The following GRIP1 variants were observed in gnomAD, a reference collection of about 807,000 sequenced individuals.
GRIP1 encodes glutamate receptor interacting protein 1.
A neutral mutation model predicts 129.9 loss-of-function variants in GRIP1; 45 were observed. That is an observed-to-expected ratio of 0.35 (90% CI 0.27 to 0.44). GRIP1 has a LOEUF of 0.44. GRIP1 is among the 20% of genes least tolerant of loss of function. The pLI is 1.00. For missense variants in GRIP1, 1,196 were observed against 1,396.8 expected, an observed-to-expected ratio of 0.86 and a Z score of 2.29; for synonymous variants, 530 against 520.8, an observed-to-expected ratio of 1.02 and a Z score of -0.24.
intron 7 of GRIP1, among the ~76,000 whole-genome samples, chr12:66,510,048 T>C (rs952987118): frequency 3.3e-5 from 5 of 152,222 alleles, no homozygotes; most frequent in South Asian, 2.1e-4. Context: ...TTTGGTAATA[T>C]AGTTCAACCA....
At chr12:66,755,842 C>T (rs774731304) in intron 1 of GRIP1, among the ~76,000 whole-genome samples, 1 of 152,172 alleles carries the variant, frequency 6.6e-6, no homozygotes, top group Admixed American at 6.5e-5. Flanking sequence ...CCTCACCTCT[C>T]TTTTTCACTG....
chr12:66,548,225 G>A (rs1185620886), intron 2 of GRIP1, among the ~76,000 whole-genome samples: 1 of 152,142 alleles, frequency 6.6e-6, no homozygotes, highest in Non-Finnish European at 1.5e-5. Context: ...GTGTTGTTTG[G>A]ACCTAACTAC....
At chr12:66,851,909 A>T (rs1004115341) in intron 1 of GRIP1, among the ~76,000 whole-genome samples, 1 of 152,142 alleles carries the variant, frequency 6.6e-6, no homozygotes, top group African/African-American at 2.4e-5. Flanking sequence ...TTTACAGATC[A>T]TAAAACTTTA....
intron 2 of GRIP1, chr12:66,563,779 A>G (rs1004066963): frequency 1.3e-5 from 2 of 152,204 alleles, no homozygotes; most frequent in African/African-American, 4.8e-5. Context: ...TGCATTGTAT[A>G]TAATTAAATA....
intron 13 of GRIP1, among the ~76,000 whole-genome samples, chr12:66,442,353 G>A (rs1027146342): frequency 4.0e-5 from 6 of 151,888 alleles, no homozygotes; most frequent in Admixed American, 3.3e-4. Flanking sequence ...CCTTTCCCTA[G>A]CACGCCTCTT....
At chr12:67,025,890 T>C (rs2042936123) in intron 1 of GRIP1, among the ~76,000 whole-genome samples, 1 of 152,210 alleles carries the variant, frequency 6.6e-6, no homozygotes, top group African/African-American at 2.4e-5. Context: ...TCTCAGCACT[T>C]TAAAGTGAAT....
At chr12:66,785,885 C>T (rs2038326764) in intron 1 of GRIP1, among the ~76,000 whole-genome samples, 1 of 150,842 alleles carries the variant, frequency 6.6e-6, no homozygotes, top group Admixed American at 6.6e-5. Flanking sequence ...AGTTTGAGAC[C>T]AGCCTGGGCA....
intron 1 of GRIP1, among the ~76,000 whole-genome samples, chr12:66,849,285 A>C (rs1459400849): frequency 6.6e-6 from 1 of 152,074 alleles, no homozygotes; most frequent in Non-Finnish European, 1.5e-5. Context: ...GGCTCATCTC[A>C]CATCCAAACC....
At chr12:66,748,895 C>T (rs912267172) in intron 1 of GRIP1, among the ~76,000 whole-genome samples, 10 of 152,158 alleles carry the variant, frequency 6.6e-5, no homozygotes, top group African/African-American at 2.2e-4. Context: ...TGAGTGTATC[C>T]ATCCCTAGAG....
intron 1 of GRIP1, among the ~76,000 whole-genome samples, chr12:67,023,115 T>C (rs1411958226): frequency 6.6e-6 from 1 of 152,152 alleles, no homozygotes; most frequent in Non-Finnish European, 1.5e-5. Flanking sequence ...TTTCAAAAAG[T>C]TGTCATTTTT....
chr12:66,790,200 C>T (rs898706560), intron 1 of GRIP1, among the ~76,000 whole-genome samples: 24 of 152,140 alleles, frequency 1.6e-4, no homozygotes, highest in Non-Finnish European at 2.8e-4. Context: ...CTTTGGACTG[C>T]GCAATCAATG....
chr12:66,437,992 A>G (rs1188684473), intron 13 of GRIP1, among the ~76,000 whole-genome samples: 5 of 152,134 alleles, frequency 3.3e-5, no homozygotes, highest in Admixed American at 3.3e-4. Flanking sequence ...CCCATTTATA[A>G]TGAATAAAGG....
intron 2 of GRIP1, among the ~76,000 whole-genome samples, chr12:66,584,982 C>T (rs1326660241): frequency 6.6e-6 from 1 of 151,986 alleles, no homozygotes; most frequent in Non-Finnish European, 1.5e-5. Flanking sequence ...TTCCACACTG[C>T]CTTCCCTCCC....
At chr12:67,024,243 C>G (rs1204416749) in intron 1 of GRIP1, among the ~76,000 whole-genome samples, 12 of 152,054 alleles carry the variant, frequency 7.9e-5, no homozygotes, top group Admixed American at 7.2e-4. Context: ...TCAAGATGCC[C>G]AACGCACTGC....
chr12:66,395,827 C>T (rs923788035), intron 16 of GRIP1, among the ~76,000 whole-genome samples: 12 of 152,198 alleles, frequency 7.9e-5, no homozygotes, highest in Non-Finnish European at 1.6e-4. Context: ...GCTCTGTTTG[C>T]TGGTTCACAA....
At chr12:66,953,837 G>GAC (rs373288682) in intron 1 of GRIP1, among the ~76,000 whole-genome samples, 14 of 151,326 alleles carry the variant, frequency 9.3e-5, no homozygotes, top group African/African-American at 2.2e-4. Context: ...GTGTGTGTCA[G>GAC]ACACACACAC....
At chr12:66,531,361 CA>C (rs1161432691) in intron 4 of GRIP1, among the ~76,000 whole-genome samples, 1 of 143,746 alleles carries the variant, frequency 7.0e-6, no homozygotes, top group African/African-American at 2.5e-5. Flanking sequence ...AGGCAGAATC[CA>C]AAGGCATTGT....
intron 1 of GRIP1, among the ~76,000 whole-genome samples, chr12:66,644,191 C>T (rs1157683594): frequency 2.0e-5 from 3 of 152,156 alleles, no homozygotes; most frequent in African/African-American, 7.2e-5. Context: ...CCAGGTCCCT[C>T]CCACAACACG....
chr12:66,485,197 G>A (rs1452287984), intron 7 of GRIP1, among the ~76,000 whole-genome samples: 2 of 152,110 alleles, frequency 1.3e-5, no homozygotes, highest in African/African-American at 4.8e-5. Flanking sequence ...TCTTGTTGTG[G>A]TCAGTCTTTT....
Sources: allele counts gnomAD v4.1 joint callset (sites outside exome capture counted in the v4.1 genomes callset), GRCh38; gene constraint gnomAD v4.1.1; transcripts MANE v1.5; gene names NCBI Gene and HGNC (gene_info 2026-07-23, HGNC 2026-07-21).